LHX6: variants seen among roughly 807,000 people sequenced by gnomAD.
The protein encoded by LHX6 is LIM homeobox 6.
In LHX6, 15 loss-of-function variants were observed where a neutral mutation model predicts 47.1. The ratio of observed to expected loss-of-function variants is 0.32; its 90% confidence interval spans 0.21 to 0.49. LHX6 has a LOEUF of 0.49. Among genes scored for constraint, LHX6 ranks in the 20% least tolerant of loss-of-function variants. The pLI is 0.99. For synonymous variants in LHX6, 242 were observed against 233.5 expected (o/e 1.04, Z -0.33); for missense variants, 404 against 539.6 (o/e 0.75, Z 2.49).
Position 122,226,551 on chromosome 9 carries a change from G to A in LHX6, c.340-54C>T. 1.3e-5 allele frequency: 21 copies of A among 1,581,310 alleles called. No homozygotes were observed. The highest frequency in any genetic ancestry group is 1.7e-5 in the Non-Finnish European group (20 of 1,169,472). ...CTCAGCGCGGGCCTCTTTCACTCCGGGCCCCAGCCTTCCCGGTCTCATTTA... is the reference window on the plus strand; with the variant it reads ...CTCAGCGCGGGCCTCTTTCACTCCGAGCCCCAGCCTTCCCGGTCTCATTTA... On this transcript the variant is annotated intron_variant, in intron 3 of 9. Coordinates refer to ENST00000394319, the MANE Select transcript of LHX6 (RefSeq NM_014368.5). This position sits in a 1 kb window ranked among gnomAD's most constrained non-coding sequence, Gnocchi z 6.5.
rs1023465762 is a variant in LHX6, at chr9:122,226,813, C to G, written c.339+35G>C. 5 of 1,547,510 alleles carry G rather than the reference C, an allele frequency of 3.2e-6. No homozygotes were observed. Among genetic ancestry groups the G allele is most frequent in the Non-Finnish European group, 4.4e-6 (5 of 1,145,674 alleles). On this transcript the variant is annotated intron_variant, in intron 3 of 9. Transcript: ENST00000394319. The surrounding 1 kb of genome is among the most constrained non-coding windows in gnomAD (Gnocchi z 6.5). ...GTCTCCTGCGCTGCGTCCCACGCCC[C>G]GACAACACGCACGCAACACCTACCC...
intron 4 of LHX6, among the ~76,000 whole-genome samples, chr9:122,223,156 G>A (rs1391639433): frequency 6.6e-6 from 1 of 152,114 alleles, no homozygotes; most frequent in Non-Finnish European, 1.5e-5. Context: ...CTTTTTGTGG[G>A]TTTTATTATT....
intron 5 of LHX6, among the ~76,000 whole-genome samples, chr9:122,215,953 T>C (rs1405907877): frequency 6.6e-6 from 1 of 152,134 alleles, no homozygotes; most frequent in Non-Finnish European, 1.5e-5. Context: ...TGTTGGTTTT[T>C]TAGATGGGAA....
intron 4 of LHX6, among the ~76,000 whole-genome samples, chr9:122,219,485 C>A (rs1164340453): frequency 6.6e-6 from 1 of 152,186 alleles, no homozygotes; most frequent in East Asian, 1.9e-4. Flanking sequence ...GAAGAGCCGA[C>A]CCCGGGTTCC....
intron 5 of LHX6, among the ~76,000 whole-genome samples, 171 bp downstream of exon 5, chr9:122,216,896 AG>A (rs199510510): frequency 0.013 from 2,024 of 152,342 alleles, 22 homozygotes; most frequent in Middle Eastern, 0.02. Flanking sequence ...CCTAAGCAAA[AG>A]ATCGACCCGG....
chr9:122,222,750 A>G (rs1830920571), intron 4 of LHX6, among the ~76,000 whole-genome samples: 1 of 152,200 alleles, frequency 6.6e-6, no homozygotes, highest in Non-Finnish European at 1.5e-5. Context: ...TCAAGGAGGG[A>G]CAAGGTGGGG....
Position 122,214,315 on chromosome 9 carries a change from C to G in LHX6, c.751G>C (p.Ala251Pro). The change falls in exon 6 of 10, where the codon GCG (alanine) becomes CCG (proline). Residue 251 changes from alanine to proline, a missense_variant. Transcript: ENST00000394319. The surrounding 1 kb of genome is among the most constrained non-coding windows in gnomAD (Gnocchi z 4.6). ...TGTTCCGCGGTGAAGGACGTCCGCG[C>G]GCGCTTGGCCGGCTTGGGTTGACTG... is the stretch of plus-strand genomic sequence containing the variant. ...QDSQPKPAKRARTSFTAEQLQ... is the reference protein window; with the variant it reads ...QDSQPKPAKRPRTSFTAEQLQ... The G allele has an allele frequency of 6.3e-7, 1 of 1,599,564 alleles. No homozygotes were observed.
At chr9:122,228,243 A>G in intron 1 of LHX6, 2 of 1,533,874 alleles carry the variant, frequency 1.3e-6, no homozygotes, top group Non-Finnish European at 1.7e-6. Context: ...GGGACCAAAA[A>G]GAGAAAAGAG....
intron 5 of LHX6, 86 bp downstream of exon 5, chr9:122,216,982 G>T (rs1564439443): frequency 8.9e-7 from 1 of 1,129,872 alleles, no homozygotes; most frequent in Non-Finnish European, 1.3e-6. Flanking sequence ...ATCGGTAGAG[G>T]AGTGTGGGTG....
intron 4 of LHX6, among the ~76,000 whole-genome samples, chr9:122,218,776 G>A (rs1410187307): frequency 6.6e-6 from 1 of 151,988 alleles, no homozygotes; most frequent in Non-Finnish European, 1.5e-5. Context: ...CACCATCCAG[G>A]CATGTGTCCC....
At position 122,213,854 on chromosome 9, in the gene LHX6, A is replaced by G. The variant is rs556037667; in HGVS notation, c.880-74T>C. 2 of 1,526,808 alleles carry G rather than the reference A, an allele frequency of 1.3e-6. No homozygotes were observed. Among genetic ancestry groups the G allele is most frequent in the East Asian group, 4.8e-5 (2 of 41,268 alleles). 94.6% of individuals were successfully genotyped at this position (1,526,808 alleles called of 1,614,324 possible). ...GCGCCGCCGGGAGACCCCAGGCGGG[A>G]CTGCCTCGTCGCCTCCTGGAGAAGG... On this transcript the variant is annotated intron_variant, in intron 7 of 9. Transcript: ENST00000394319. The surrounding 1 kb of genome is among the most constrained non-coding windows in gnomAD (Gnocchi z 5.5).
chr9:122,228,488 C>CG (rs1564449051), intron 1 of LHX6, 169 bp downstream of exon 1: 3 of 1,291,176 alleles, frequency 2.3e-6, no homozygotes, highest in African/African-American at 4.4e-5. Flanking sequence ...TTTCCGCGAC[C>CG]CCCCCCCCCC....
Position 122,228,649 on chromosome 9 carries a change from C to A in LHX6, c.84+8G>T. 1 of 1,306,738 alleles carries A rather than the reference C, an allele frequency of 7.7e-7. No homozygotes were observed. Among genetic ancestry groups the A allele is most frequent in the South Asian group, 2.3e-5 (1 of 43,248 alleles). The allele number at this position is 1,306,738 out of a possible 1,614,324, so 80.9% of individuals were successfully genotyped here. A position where few individuals can be genotyped will look rare whatever the true frequency, so the allele number is the denominator to read the frequency against. On this transcript the variant is annotated splice_region_variant and intron_variant, in intron 1 of 9. Coordinates refer to ENST00000394319, the MANE Select transcript of LHX6 (RefSeq NM_014368.5). ...CCGGGCCGCTCACCCAGTCGTTCGC[C>A]GGCTCACCTGGTCGGTGGCGGGGCC...
intron 1 of LHX6, 168 bp downstream of exon 1, chr9:122,228,489 C>CT (rs984619150): frequency 6.0e-6 from 8 of 1,327,452 alleles, no homozygotes; most frequent in Non-Finnish European, 7.6e-6. Flanking sequence ...TTCCGCGACC[C>CT]CCCCCCCCCG....
chr9:122,204,647 C>G lies in LHX6; in HGVS notation c.*113G>C, dbSNP rs996536800. 7.6e-7 allele frequency: 1 copy of G among 1,309,458 alleles called. No homozygotes were observed. Among genetic ancestry groups the G allele is most frequent in the Non-Finnish European group, 1.1e-6 (1 of 947,984 alleles). 81.1% of individuals were successfully genotyped at this position (1,309,458 alleles called of 1,614,324 possible). Reference sequence around the variant, plus strand: ...ACCTGGTGGTGGGCAGGATGGCGGACGGGGGTGGATGCGGAGGTGGGTGGA... The same window carrying G: ...ACCTGGTGGTGGGCAGGATGGCGGAGGGGGGTGGATGCGGAGGTGGGTGGA... On this transcript the variant is annotated 3_prime_UTR_variant, in exon 10 of 10. Transcript: ENST00000394319.
rs540560674 is a variant in LHX6, at chr9:122,204,851, C to A, written c.1159-71G>T. 15 of 1,116,082 alleles carry A rather than the reference C, an allele frequency of 1.3e-5. No individual in the cohort carries two copies. In the South Asian group the frequency reaches 2.2e-4, roughly 16 times the overall value. 69.1% of individuals were successfully genotyped at this position (1,116,082 alleles called of 1,614,324 possible). On this transcript the variant is annotated intron_variant, in intron 9 of 9. Transcript: ENST00000394319. Reference sequence around the variant, plus strand: ...CACCCTGCTGCCCCCCAGAGAACCTCAAAGGCACAGAGAAGAAGGGTGGAC... The same window carrying A: ...CACCCTGCTGCCCCCCAGAGAACCTAAAAGGCACAGAGAAGAAGGGTGGAC...
intron 1 of LHX6, 164 bp downstream of exon 1, chr9:122,228,493 C>CT (rs201448634): frequency 2.2e-6 from 3 of 1,337,934 alleles, no homozygotes; most frequent in African/African-American, 1.9e-5. Context: ...GCGACCCCCC[C>CT]CCCCCGCTCG....
At position 122,226,953 on chromosome 9, in the gene LHX6, C is replaced by T. The variant is rs1831128407; in HGVS notation, c.234G>A (p.Thr78=). 1 of 1,554,260 alleles carries T rather than the reference C, an allele frequency of 6.4e-7. No individual in the cohort carries two copies. The highest frequency in any genetic ancestry group is 8.7e-7 in the Non-Finnish European group (1 of 1,149,120). The change falls in exon 3 of 10, where the codon ACG becomes ACA. Residue 78 remains threonine, a synonymous_variant. Coordinates refer to ENST00000394319, the MANE Select transcript of LHX6 (RefSeq NM_014368.5). The surrounding 1 kb of genome is among the most constrained non-coding windows in gnomAD (Gnocchi z 6.5). ...CAGAGGGCGGTGAGCAGACAGATGG[C>T]GTGCTGGGCGTACATGGGGAGGCCT... is the stretch of plus-strand genomic sequence containing the variant. The part of the protein sequence containing the change: ...EGQASPCTPS[T]PSVCSPPSAA...
chr9:122,207,174 C>T (rs1426257021), intron 9 of LHX6, among the ~76,000 whole-genome samples: 5 of 152,172 alleles, frequency 3.3e-5, no homozygotes, highest in African/African-American at 4.8e-5. Flanking sequence ...TCTAGGATCC[C>T]GGCCAGTTCT....
Sources: gnomAD v4.1 joint callset for allele counts (sites outside exome capture counted in the v4.1 genomes callset) on GRCh38, gnomAD v4.1.1 for gene constraint, Gnocchi (gnomAD v3.1) non-coding constraint, MANE v1.5 for transcripts, NCBI Gene and HGNC (gene_info 2026-07-23, HGNC 2026-07-21) for gene names.